The following PCDH15 variants were observed in gnomAD, a reference collection of about 807,000 sequenced individuals.
The protein encoded by PCDH15 is protocadherin related 15.
In PCDH15, 129 loss-of-function variants were observed where a neutral mutation model predicts 178.5. That is an observed-to-expected ratio of 0.72 (90% confidence interval 0.63 to 0.84). PCDH15 has a LOEUF of 0.84. PCDH15 is among the 40% of genes least tolerant of loss of function. PCDH15 has a pLI of 0.00. For synonymous variants in PCDH15, 800 were observed against 732.0 expected, an observed-to-expected ratio of 1.09 and a Z score of -1.50; for missense variants, 2,230 against 2,099.9, an observed-to-expected ratio of 1.06 and a Z score of -1.21.
At chr10:54,527,269 G>A (rs2083448030) in intron 3 of PCDH15, among the ~76,000 whole-genome samples, 1 of 152,122 alleles carries the variant, frequency 6.6e-6, no homozygotes, top group South Asian at 2.1e-4. Flanking sequence ...GATATTAATT[G>A]TTAATTACTT....
chr10:54,759,153 G>C (rs1414799364), intron 1 of PCDH15, among the ~76,000 whole-genome samples: 2 of 152,024 alleles, frequency 1.3e-5, no homozygotes, highest in Non-Finnish European at 2.9e-5. Context: ...TAGATTTCTA[G>C]TAGGAAATTG....
intron 32 of PCDH15, chr10:53,821,833 C>T: frequency 1.9e-6 from 3 of 1,610,574 alleles, no homozygotes; most frequent in Non-Finnish European, 2.5e-6. Context: ...AAGAGGTTTG[C>T]CCGACTAAAA....
intron 2 of PCDH15, among the ~76,000 whole-genome samples, chr10:55,371,621 C>A (rs1411620665): frequency 1.3e-5 from 2 of 152,044 alleles, no homozygotes; most frequent in Admixed American, 1.3e-4. Context: ...CTCTCTCTCT[C>A]TTTCTCTCCC....
chr10:55,156,057 T>G (rs1238922576), intron 2 of PCDH15, among the ~76,000 whole-genome samples: 3 of 152,070 alleles, frequency 2.0e-5, no homozygotes, highest in African/African-American at 7.2e-5. Flanking sequence ...AGAACAATGA[T>G]TTCCCAGAAA....
chr10:53,808,988 G>GTTCTT (rs760979312), intron 37 of PCDH15: 37 of 1,564,198 alleles, frequency 2.4e-5, no homozygotes, highest in Non-Finnish European at 3.0e-5. Flanking sequence ...TCCATCTTAG[G>GTTCTT]TTCTTTTTGT....
chr10:55,001,108 T>C (rs1197209945), intron 2 of PCDH15, among the ~76,000 whole-genome samples: 1 of 152,072 alleles, frequency 6.6e-6, no homozygotes, highest in Non-Finnish European at 1.5e-5. Flanking sequence ...AGGGACAACT[T>C]GCCTGTGGAA....
chr10:54,152,262 T>TA (rs2044613604), intron 14 of PCDH15, among the ~76,000 whole-genome samples: 1 of 152,176 alleles, frequency 6.6e-6, no homozygotes, highest in African/African-American at 2.4e-5. Flanking sequence ...AAAAAACTGA[T>TA]ATACTTGCAC....
chr10:55,159,674 TTA>T (rs1839008218), intron 2 of PCDH15, among the ~76,000 whole-genome samples: 1 of 147,668 alleles, frequency 6.8e-6, no homozygotes, highest in African/African-American at 2.5e-5. Context: ...TTATATATCT[TTA>T]TAAAGAGATA....
At chr10:54,758,045 A>G (rs911948861) in intron 1 of PCDH15, among the ~76,000 whole-genome samples, 8 of 152,222 alleles carry the variant, frequency 5.3e-5, no homozygotes, top group African/African-American at 1.7e-4. Context: ...TAGAATATTA[A>G]TAAGAATATA....
intron 1 of PCDH15, among the ~76,000 whole-genome samples, chr10:54,680,908 A>C (rs1009032129): frequency 2.6e-5 from 4 of 152,124 alleles, no homozygotes; most frequent in Admixed American, 6.6e-5. Context: ...AGAAGGTTGG[A>C]GTAGGGAGAA....
intron 2 of PCDH15, among the ~76,000 whole-genome samples, chr10:54,978,956 A>G (rs540704534): frequency 1.3e-5 from 2 of 152,316 alleles, no homozygotes; most frequent in South Asian, 2.1e-4. Context: ...AATGAGTTAA[A>G]AGAAAATTAC....
intron 2 of PCDH15, among the ~76,000 whole-genome samples, chr10:55,419,977 T>C (rs892642910): frequency 1.3e-5 from 2 of 151,692 alleles, no homozygotes; most frequent in African/African-American, 4.8e-5. Flanking sequence ...CGAAAATTAA[T>C]TTGCATTTAA....
intron 2 of PCDH15, among the ~76,000 whole-genome samples, chr10:55,430,193 A>C (rs1432726372): frequency 6.6e-6 from 1 of 152,156 alleles, no homozygotes; most frequent in Non-Finnish European, 1.5e-5. Context: ...CAGGAGGCAC[A>C]TGTGGGAGGA....
intron 2 of PCDH15, among the ~76,000 whole-genome samples, chr10:55,603,499 G>C (rs1187728966): frequency 6.6e-6 from 1 of 151,960 alleles, no homozygotes; most frequent in African/African-American, 2.4e-5. Flanking sequence ...AGAGAGAAAG[G>C]TCAGGTTACC....
intron 2 of PCDH15, among the ~76,000 whole-genome samples, chr10:55,106,314 G>A (rs1234319537): frequency 1.3e-5 from 2 of 152,162 alleles, no homozygotes; most frequent in Admixed American, 1.3e-4. Flanking sequence ...AAGGGTTTCT[G>A]TTGTTAGACA....
chr10:54,709,479 GTAA>G (rs1187216892), intron 1 of PCDH15, among the ~76,000 whole-genome samples: 1 of 150,836 alleles, frequency 6.6e-6, no homozygotes, highest in Non-Finnish European at 1.5e-5. Context: ...AATAACAATT[GTAA>G]TAATATCTAC....
intron 2 of PCDH15, among the ~76,000 whole-genome samples, chr10:54,991,959 C>T (rs7082747): frequency 0.34 from 52,176 of 151,756 alleles, 10,460 homozygotes; most frequent in African/African-American, 0.55. Context: ...AATAAGACAA[C>T]GGCTAACATA....
chr10:54,452,184 C>T (rs543510536), intron 3 of PCDH15, among the ~76,000 whole-genome samples: 2 of 152,032 alleles, frequency 1.3e-5, no homozygotes, highest in African/African-American at 4.8e-5. Flanking sequence ...GGAGGAGGTG[C>T]TTAGGGCATA....
At chr10:54,219,038 G>A (rs1178051075) in intron 9 of PCDH15, among the ~76,000 whole-genome samples, 2 of 148,104 alleles carry the variant, frequency 1.4e-5, no homozygotes, top group East Asian at 2.0e-4. Context: ...AGGATCACAA[G>A]GTCAGGAGAT....
Sources: allele counts gnomAD v4.1 joint callset (sites outside exome capture counted in the v4.1 genomes callset), GRCh38; gene constraint gnomAD v4.1.1; transcripts MANE v1.5; gene names NCBI Gene and HGNC (gene_info 2026-07-23, HGNC 2026-07-21).